The following PNPLA1 variants were observed in gnomAD, a reference collection of about 807,000 sequenced individuals.
The protein encoded by PNPLA1 is omega-hydroxyceramide transacylase.
Under a neutral mutation model 51.7 loss-of-function variants are expected in PNPLA1, and 36 were observed. The observed-to-expected ratio is 0.70, with a 90% CI of 0.53 to 0.92. The LOEUF is 0.92. Among genes scored for constraint, PNPLA1 ranks in the 40% least tolerant of loss-of-function variants. The pLI is 0.00. For missense variants in PNPLA1, 658 were observed against 682.5 expected, an observed-to-expected ratio of 0.96 and a Z score of 0.40; for synonymous variants, 293 against 280.1, an observed-to-expected ratio of 1.05 and a Z score of -0.46.
chr6:36,271,611 G>A (rs897067665), intron 1 of PNPLA1, among the ~76,000 whole-genome samples: 32 of 152,252 alleles, frequency 2.1e-4, no homozygotes, highest in African/African-American at 7.5e-4. Context: ...AGGTGGTCAG[G>A]GAAGCCTTTC....
intron 8 of PNPLA1, among the ~76,000 whole-genome samples, chr6:36,309,943 C>G (rs1482243457): frequency 6.6e-6 from 1 of 152,162 alleles, no homozygotes; most frequent in Non-Finnish European, 1.5e-5. Context: ...AACTTCCAGT[C>G]CCCAGCTGAT....
rs565443704 is a variant in PNPLA1, at chr6:36,299,419, C to T, written c.776-2442C>T. Among the ~76,000 whole-genome samples the T allele has an allele frequency of 3.4e-4, 51 of 150,556 alleles. 1 individual carries two copies. The South Asian group carries it at 9.1e-3, about 27-fold the overall frequency. On this transcript the variant is annotated intron_variant, in intron 5 of 8. Coordinates refer to ENST00000636260, the MANE Select transcript of PNPLA1 (RefSeq NM_001374623.1). The stretch of plus-strand genomic sequence containing the variant: ...GCATGATCTCGGCTCACTGCAAGCT[C>T]CACCTCCTGGGTTCACACCATTCTC...
At chr6:36,259,600 G>GAA (rs376961795) in intron 1 of PNPLA1, among the ~76,000 whole-genome samples, 1 of 144,420 alleles carries the variant, frequency 6.9e-6, no homozygotes. Flanking sequence ...CTTTTCAGGA[G>GAA]AAAAAAAAAA....
At chr6:36,271,652 G>A (rs1451955729) in intron 1 of PNPLA1, among the ~76,000 whole-genome samples, 1 of 152,236 alleles carries the variant, frequency 6.6e-6, no homozygotes, top group Non-Finnish European at 1.5e-5. Flanking sequence ...CTAGAGCTGG[G>A]TATAGTGATA....
chr6:36,301,904 C>T lies in PNPLA1; in HGVS notation c.819C>T (p.Pro273=). 12 of 1,614,170 alleles carry T rather than the reference C, an allele frequency of 7.4e-6. No homozygotes were observed. Among genetic ancestry groups the T allele is most frequent in the Non-Finnish European group, 1.0e-5 (12 of 1,180,014 alleles). The part of the protein sequence containing the change: ...LNSSSKRVIF[P]RVEVYCQIEL... ...CTTCCTCCAAGAGAGTGATTTTCCC[C>T]CGGGTGGAAGTGTACTGCCAGATAG... The change falls in exon 6 of 9, where the codon CCC becomes CCT. Residue 273 remains proline, a synonymous_variant. Coordinates refer to ENST00000636260, the MANE Select transcript of PNPLA1 (RefSeq NM_001374623.1).
intron 1 of PNPLA1, among the ~76,000 whole-genome samples, chr6:36,288,443 A>ATTTTTT (rs34132369): frequency 7.9e-6 from 1 of 125,798 alleles, no homozygotes; most frequent in Admixed American, 8.2e-5. Flanking sequence ...AGGAGACCCT[A>ATTTTTT]TTTTTTTTTT....
intron 3 of PNPLA1, among the ~76,000 whole-genome samples, chr6:36,293,687 T>G (rs552510796): frequency 2.4e-4 from 37 of 152,118 alleles, no homozygotes; most frequent in Non-Finnish European, 5.0e-4. Flanking sequence ...GCAGAGAAAG[T>G]CAGGGCCAGA....
At chr6:36,252,556 AAAAC>A (rs540006323) in intron 1 of PNPLA1, among the ~76,000 whole-genome samples, 115 of 145,302 alleles carry the variant, frequency 7.9e-4, no homozygotes, top group African/African-American at 2.5e-3. Flanking sequence ...AAAAAAAAAA[AAAAC>A]CCAGGCACTG....
At chr6:36,295,134 C>T (rs1035830387) in intron 4 of PNPLA1, among the ~76,000 whole-genome samples, 34 of 152,184 alleles carry the variant, frequency 2.2e-4, no homozygotes, top group African/African-American at 7.5e-4. Flanking sequence ...GCCGAGGCTC[C>T]ACCATGAATG....
intron 6 of PNPLA1, among the ~76,000 whole-genome samples, chr6:36,305,768 C>CTTTTTTTTT (rs72063246): frequency 3.1e-5 from 3 of 96,568 alleles, no homozygotes; most frequent in Non-Finnish European, 4.0e-5. Flanking sequence ...TTACTTTTCT[C>CTTTTTTTTT]TTTTTTTTTT....
Position 36,270,206 on chromosome 6 carries a change from G to C in PNPLA1, c.-254G>C, listed in dbSNP as rs995022586. ...AGGACCAAGACCCTGCTCACACACCGGGGGAGCCTTCTGCATCTCATTCTG... is the reference window on the plus strand; with the variant it reads ...AGGACCAAGACCCTGCTCACACACCCGGGGAGCCTTCTGCATCTCATTCTG... On this transcript the variant is annotated 5_prime_UTR_variant, in exon 1 of 9. Transcript: ENST00000636260. 6.6e-6 allele frequency among the ~76,000 whole-genome samples: 1 copy of C among 152,208 alleles called. No individual in the cohort carries two copies. Among genetic ancestry groups the C allele is most frequent in the Admixed American group, 6.5e-5 (1 of 15,280 alleles).
At chr6:36,293,183 G>T in intron 3 of PNPLA1, 57 bp downstream of exon 3, 3 of 1,516,990 alleles carry the variant, frequency 2.0e-6, no homozygotes, top group South Asian at 1.1e-5. Flanking sequence ...TCGGGTCCCT[G>T]TGACTCACAC....
In PNPLA1 at chr6:36,288,597, C is replaced by T. The variant is rs943756149; in HGVS notation, c.206-2723C>T. Among the ~76,000 whole-genome samples, 8 of 151,690 alleles carry T rather than the reference C, an allele frequency of 5.3e-5. No individual in the cohort carries two copies. In the East Asian group the frequency reaches 1.2e-3, roughly 22 times the overall value. On this transcript the variant is annotated intron_variant, in intron 1 of 8. Transcript: ENST00000636260. ...CCTCCTGAGTAGCTGGGACTACAGG[C>T]GCCCGCCACCGCGCCCGGCTAATTT...
chr6:36,280,715 A>G (rs1163239112), intron 1 of PNPLA1, among the ~76,000 whole-genome samples: 1 of 151,870 alleles, frequency 6.6e-6, no homozygotes, highest in Non-Finnish European at 1.5e-5. Flanking sequence ...TTCCCTCTTC[A>G]TTTCTTCCTT....
intron 1 of PNPLA1, among the ~76,000 whole-genome samples, chr6:36,288,443 ATT>A (rs34132369): frequency 0.018 from 2,279 of 125,696 alleles, 22 homozygotes; most frequent in Middle Eastern, 0.039. Context: ...AGGAGACCCT[ATT>A]TTTTTTTTTT....
rs1160695581 is a variant in PNPLA1, at chr6:36,313,691, G to A, written c.*1805G>A. 1.3e-5 allele frequency among the ~76,000 whole-genome samples: 2 copies of A among 152,326 alleles called. No homozygotes were observed. Among genetic ancestry groups the A allele is most frequent in the East Asian group, 1.9e-4 (1 of 5,172 alleles). On this transcript the variant is annotated 3_prime_UTR_variant, in exon 9 of 9. Coordinates refer to ENST00000636260, the MANE Select transcript of PNPLA1 (RefSeq NM_001374623.1). ...GCAGCTGGAGGTGTGTACTGTGGGG[G>A]AGACTGACTAGAGAGGCCCGCCCGG...
intron 1 of PNPLA1, among the ~76,000 whole-genome samples, chr6:36,260,597 G>A (rs868159453): frequency 1.3e-5 from 2 of 152,036 alleles, no homozygotes; most frequent in African/African-American, 4.8e-5. Flanking sequence ...TCAGTCTCTT[G>A]TGTCTCATTC....
At chr6:36,287,795 C>CA in intron 1 of PNPLA1, among the ~76,000 whole-genome samples, 1 of 140,424 alleles carries the variant, frequency 7.1e-6, no homozygotes, top group South Asian at 2.3e-4. Context: ...CACACACACA[C>CA]CCCTGGAGAG....
chr6:36,305,168 T>G (rs933439490), intron 6 of PNPLA1, among the ~76,000 whole-genome samples: 4 of 152,232 alleles, frequency 2.6e-5, no homozygotes, highest in African/African-American at 9.6e-5. Flanking sequence ...TTAACTTTCT[T>G]AAAACATTGT....
Sources: allele counts gnomAD v4.1 joint callset (sites outside exome capture counted in the v4.1 genomes callset), GRCh38; gene constraint gnomAD v4.1.1; transcripts MANE v1.5; gene names NCBI Gene and HGNC (gene_info 2026-07-23, HGNC 2026-07-21).